GRIP2: variants seen among roughly 807,000 people sequenced by gnomAD.
GRIP2 encodes glutamate receptor-interacting protein 2.
A neutral mutation model predicts 108.3 loss-of-function variants in GRIP2; 58 were observed. That is an observed-to-expected ratio of 0.54 (90% CI 0.43 to 0.67). The LOEUF (loss-of-function observed/expected upper bound fraction) is 0.67. Ranked by LOEUF, GRIP2 falls within the 30% of genes least tolerant of loss-of-function variation. The pLI is 0.00. For synonymous variants in GRIP2, 586 were observed against 598.2 expected (o/e 0.98, Z 0.30); for missense variants, 1,278 against 1,430.6 (o/e 0.89, Z 1.72).
chr3:14,504,314 T>G (rs1479359301), intron 20 of GRIP2, among the ~76,000 whole-genome samples: 26 of 149,144 alleles, frequency 1.7e-4, no homozygotes, highest in South Asian at 4.3e-4. Context: ...TGCTTGTTTT[T>G]TTTTTTTTTT....
chr3:14,587,188 G>T, the GRIP2 span, among the ~76,000 whole-genome samples: 5 of 152,214 alleles, frequency 3.3e-5, no homozygotes, highest in Admixed American at 1.3e-4. Context: ...GTATGGAGAA[G>T]GAGGTCCACT....
Position 14,492,417 on chromosome 3 carries a change from C to T in GRIP2, c.*1248G>A, listed in dbSNP as rs1701357669. ...TCCATCCCAGGCACCACTCACTAGA[C>T]CACCAGGGGAGGCCCACACCCTTCT... On this transcript the variant is annotated 3_prime_UTR_variant, in exon 24 of 24. Coordinates refer to ENST00000621039, the MANE Select transcript of GRIP2 (RefSeq NM_001080423.4). 1 of 152,348 alleles carries T rather than the reference C, an allele frequency of 6.6e-6. No homozygotes were observed. Among genetic ancestry groups the T allele is most frequent in the Non-Finnish European group, 1.5e-5 (1 of 68,142 alleles). 9.4% of individuals were successfully genotyped at this position (152,348 alleles called of 1,614,324 possible). A position where few individuals can be genotyped will look rare whatever the true frequency, so the allele number is the denominator to read the frequency against.
upstream of GRIP2, among the ~76,000 whole-genome samples, chr3:14,557,368 GACAAATAATTTTAA>G (rs916595192): frequency 6.6e-6 from 1 of 152,204 alleles, no homozygotes; most frequent in African/African-American, 2.4e-5. Flanking sequence ...GAAACTTGCA[GACAAATAATTTTAA>G]ACAAAGACAG....
At position 14,491,301 on chromosome 3, in the gene GRIP2, T is replaced by G. The variant is rs563871140; in HGVS notation, c.*2364A>C. The G allele has an allele frequency of 1.3e-5, 2 of 152,326 alleles. No individual in the cohort carries two copies. Among genetic ancestry groups the G allele is most frequent in the East Asian group, 3.9e-4 (2 of 5,186 alleles). The allele number at this position is 152,326 out of a possible 1,614,324, so 9.4% of individuals were successfully genotyped here. A position where few individuals can be genotyped will look rare whatever the true frequency, so the allele number is the denominator to read the frequency against. ...TAAGCGGCCTTTGCAATACAGCCCC[T>G]TGTGCTTCCCGAGAGCCCTAAGAAA... On this transcript the variant is annotated 3_prime_UTR_variant, in exon 24 of 24. Transcript: ENST00000621039.
At chr3:14,571,492 C>A in the GRIP2 span, among the ~76,000 whole-genome samples, 14 of 152,158 alleles carry the variant, frequency 9.2e-5, no homozygotes, top group African/African-American at 1.4e-4. Flanking sequence ...CTACCCACAC[C>A]GCACCTCCCA....
the GRIP2 span, among the ~76,000 whole-genome samples, chr3:14,572,464 T>A: frequency 6.7e-6 from 1 of 149,832 alleles, no homozygotes; most frequent in Non-Finnish European, 1.5e-5. Flanking sequence ...TACAAAAAAT[T>A]AGCCGGGCGT....
At chr3:14,582,791 C>T in the GRIP2 span, among the ~76,000 whole-genome samples, 4 of 152,206 alleles carry the variant, frequency 2.6e-5, no homozygotes, top group African/African-American at 9.6e-5. Context: ...CATTTTCACT[C>T]CGTGACCTAA....
At chr3:14,554,215 C>CA (rs1398058520) in intron 1 of GRIP2, among the ~76,000 whole-genome samples, 1 of 152,184 alleles carries the variant, frequency 6.6e-6, no homozygotes, top group Non-Finnish European at 1.5e-5. Context: ...CAAGGCCACA[C>CA]AGGGAGTAAG....
In GRIP2 at chr3:14,511,548, G is replaced by T. The variant is rs1694094361; in HGVS notation, c.1721-69C>A. The T allele has an allele frequency of 4.1e-6, 6 of 1,478,968 alleles. No individual in the cohort carries two copies. The highest frequency in any genetic ancestry group is 4.7e-6 in the Non-Finnish European group (5 of 1,066,894). 91.6% of individuals were successfully genotyped at this position (1,478,968 alleles called of 1,614,324 possible). On this transcript the variant is annotated intron_variant, in intron 14 of 23. Coordinates refer to ENST00000621039, the MANE Select transcript of GRIP2 (RefSeq NM_001080423.4). The surrounding 1 kb of genome is among the most constrained non-coding windows in gnomAD (Gnocchi z 4.1). ...CTGGGGTGGGGTGGCGAAGCCCAGG[G>T]GTCTGAGTGTGGACTCGGAGCCACT...
rs987338008 is a variant in GRIP2, at chr3:14,522,774, C to G, written c.566+226G>C. 26 of 547,040 alleles carry G rather than the reference C, an allele frequency of 4.8e-5. No individual in the cohort carries two copies. Among genetic ancestry groups the G allele is most frequent in the African/African-American group, 4.5e-4 (23 of 51,548 alleles). 33.9% of individuals were successfully genotyped at this position (547,040 alleles called of 1,614,324 possible). On this transcript the variant is annotated intron_variant, in intron 6 of 23. Transcript: ENST00000621039. This position sits in a 1 kb window ranked among gnomAD's most constrained non-coding sequence, Gnocchi z 4.3. ...CTGCCCCTCTCCAAACACCCCAACC[C>G]CTGAGACAGCAGTATGTTGGGGAAG...
chr3:14,551,484 G>A (rs890146497), intron 1 of GRIP2, among the ~76,000 whole-genome samples: 1 of 152,200 alleles, frequency 6.6e-6, no homozygotes, highest in Non-Finnish European at 1.5e-5. Flanking sequence ...TACAGAGGAT[G>A]GGGTATGGAT....
chr3:14,510,985 G>A (rs1051899612), intron 16 of GRIP2, among the ~76,000 whole-genome samples, 180 bp downstream of exon 16: 7 of 152,140 alleles, frequency 4.6e-5, no homozygotes, highest in Non-Finnish European at 8.8e-5. Context: ...GGCCCCAGAC[G>A]CCGGGGACAG....
chr3:14,541,866 C>G (rs1377798631), upstream of GRIP2: 1 of 1,323,580 alleles, frequency 7.6e-7, no homozygotes, highest in Non-Finnish European at 1.0e-6. Flanking sequence ...GACGGGGGTA[C>G]ACGCACTCAA....
chr3:14,513,936 CCCTGGCCCA>C, intron 12 of GRIP2, 126 bp from the exon 13 acceptor site: 1 of 1,133,190 alleles, frequency 8.8e-7, no homozygotes, highest in Non-Finnish European at 1.2e-6. Flanking sequence ...CTCAGCTCTG[CCCTGGCCCA>C]CCTGTGTATC....
At chr3:14,504,684 T>C (rs1196400650) in intron 20 of GRIP2, among the ~76,000 whole-genome samples, 1 of 152,188 alleles carries the variant, frequency 6.6e-6, no homozygotes, top group African/African-American at 2.4e-5. Flanking sequence ...TGTTGCCTCC[T>C]TCCCTTTCCA....
chr3:14,594,042 C>G, the GRIP2 span, among the ~76,000 whole-genome samples: 1 of 152,198 alleles, frequency 6.6e-6, no homozygotes, highest in Non-Finnish European at 1.5e-5. Flanking sequence ...CCTGTGACTC[C>G]TCTCCTGGCG....
rs201046591 is a variant in GRIP2 at position 14,496,539 on chromosome 3, C to T, written c.2701G>A (p.Val901Met). The T allele has an allele frequency of 7.3e-4, 1,181 of 1,607,470 alleles. 5 individuals are homozygous for T. The highest frequency in any genetic ancestry group is 4.6e-3 in the Middle Eastern group (28 of 6,036). The change falls in exon 22 of 24, where the codon GTG (valine) becomes ATG (methionine). Residue 901 changes from valine (V) to methionine (M), a missense_variant. Physicochemically the swap from Val to Met is conservative, Grantham distance 21. Coordinates refer to ENST00000621039, the MANE Select transcript of GRIP2 (RefSeq NM_001080423.4). ...ELEASIMTGT[V>M]QRVALEGRPG... ...CTGCCCTCGAGGGCCACCCTCTGCA[C>T]GGTGCCCGTCATGATGGATGCCTGC...
intron 1 of GRIP2, among the ~76,000 whole-genome samples, chr3:14,535,850 C>T (rs946021196): frequency 3.3e-5 from 5 of 152,208 alleles, no homozygotes; most frequent in Non-Finnish European, 7.3e-5. Context: ...CCTGCAGCCC[C>T]GGGGCTGTTC....
At chr3:14,538,385 G>T (rs1249369788) in intron 1 of GRIP2, among the ~76,000 whole-genome samples, 1 of 152,210 alleles carries the variant, frequency 6.6e-6, no homozygotes. Flanking sequence ...CTGGAAATAG[G>T]CTCTCTTTCC....
Sources: gnomAD v4.1 joint callset for allele counts (sites outside exome capture counted in the v4.1 genomes callset) on GRCh38, gnomAD v4.1.1 for gene constraint, Gnocchi (gnomAD v3.1) non-coding constraint, MANE v1.5 for transcripts, NCBI Gene and HGNC (gene_info 2026-07-23, HGNC 2026-07-21) for gene names.